Variants in NELL1 observed in about 807,000 individuals in gnomAD.
NELL1 encodes the protein protein kinase C-binding protein NELL1.
In NELL1, 76 loss-of-function variants were observed where a neutral mutation model predicts 107.4. That is an observed-to-expected ratio of 0.71 (90% CI 0.59 to 0.86). The LOEUF (loss-of-function observed/expected upper bound fraction) is 0.86, where lower values mean the gene tolerates loss of function less well. Among genes scored for constraint, NELL1 ranks in the 40% least tolerant of loss-of-function variants. NELL1 has a pLI of 0.00. For missense variants in NELL1, 1,024 were observed against 1,005.5 expected, an observed-to-expected ratio of 1.02 and a Z score of -0.25; for synonymous variants, 353 against 341.2, an observed-to-expected ratio of 1.03 and a Z score of -0.38.
chr11:21,471,134 G>C (rs1240851892), intron 15 of NELL1, among the ~76,000 whole-genome samples: 1 of 151,976 alleles, frequency 6.6e-6, no homozygotes, highest in Admixed American at 6.6e-5. Context: ...TTTAGGGTTT[G>C]TCAATCCTTG....
chr11:21,444,406 C>T (rs2133850096), intron 15 of NELL1, among the ~76,000 whole-genome samples: 1 of 152,200 alleles, frequency 6.6e-6, no homozygotes, highest in African/African-American at 2.4e-5. Flanking sequence ...TATAATTATA[C>T]ATAGCAAAAC....
intron 13 of NELL1, among the ~76,000 whole-genome samples, chr11:21,204,312 T>G (rs1162392227): frequency 6.6e-6 from 1 of 152,064 alleles, no homozygotes; most frequent in Non-Finnish European, 1.5e-5. Context: ...TCGTTCCTTT[T>G]CATTCTTTTT....
At chr11:21,147,675 A>G (rs1185633699) in intron 13 of NELL1, among the ~76,000 whole-genome samples, 1 of 151,726 alleles carries the variant, frequency 6.6e-6, no homozygotes, top group African/African-American at 2.4e-5. Context: ...CATCTCTACT[A>G]AAAATACAAA....
At chr11:20,728,530 G>A (rs534862254) in intron 2 of NELL1, among the ~76,000 whole-genome samples, 1 of 151,818 alleles carries the variant, frequency 6.6e-6, no homozygotes, top group African/African-American at 2.4e-5. Flanking sequence ...CATGTGGCTA[G>A]TCAGCTATCT....
At chr11:21,079,550 A>G (rs1854217161) in intron 12 of NELL1, among the ~76,000 whole-genome samples, 1 of 151,972 alleles carries the variant, frequency 6.6e-6, no homozygotes, top group Admixed American at 6.6e-5. Context: ...AAGAATGACA[A>G]AAGTTTCCAC....
chr11:21,377,223 A>G (rs1305220101), intron 15 of NELL1, among the ~76,000 whole-genome samples: 2 of 152,084 alleles, frequency 1.3e-5, no homozygotes, highest in African/African-American at 4.8e-5. Flanking sequence ...TGTTCCTACA[A>G]TGGCTAGTCT....
chr11:21,198,549 G>A (rs1215379165), intron 13 of NELL1, among the ~76,000 whole-genome samples: 4 of 152,198 alleles, frequency 2.6e-5, no homozygotes, highest in Admixed American at 2.6e-4. Flanking sequence ...AGAGACAGGT[G>A]CGTCAGACTG....
intron 13 of NELL1, among the ~76,000 whole-genome samples, chr11:21,178,943 G>C (rs1856768303): frequency 6.6e-6 from 1 of 151,798 alleles, no homozygotes; most frequent in South Asian, 2.1e-4. Context: ...ATTATGCATG[G>C]CTGAGGTTTG....
At chr11:21,455,276 CTT>C (rs1307923185) in intron 15 of NELL1, among the ~76,000 whole-genome samples, 1 of 132,366 alleles carries the variant, frequency 7.6e-6, no homozygotes, top group Non-Finnish European at 1.6e-5. Flanking sequence ...CATAATGTGA[CTT>C]TTTTTTATCT....
At position 21,336,664 on chromosome 11, in the gene NELL1, T is replaced by TACACACAC. The variant is rs1412272792; in HGVS notation, c.1550-34188_1550-34187insCACACACA. 1.9e-4 allele frequency among the ~76,000 whole-genome samples: 10 copies of TACACACAC among 51,514 alleles called. No individual in the cohort carries two copies. In the East Asian group the frequency reaches 1.0e-2, roughly 51 times the overall value. The allele number at this position is 51,514 out of a possible 152,430, so 33.8% of individuals were successfully genotyped here. ...TCATATGTGTGTGTATATATATATA[T>TACACACAC]ATATATATATACACACACACACACA... On this transcript the variant is annotated intron_variant, in intron 14 of 19. Transcript: ENST00000357134.
chr11:20,942,234 G>A (rs1036032452), intron 10 of NELL1, among the ~76,000 whole-genome samples: 4 of 152,156 alleles, frequency 2.6e-5, no homozygotes, highest in Admixed American at 6.5e-5. Flanking sequence ...GTACCCTAAA[G>A]GTTAGCTTCC....
chr11:20,866,741 T>G (rs1849102273), intron 4 of NELL1, among the ~76,000 whole-genome samples: 4 of 152,224 alleles, frequency 2.6e-5, no homozygotes, highest in Admixed American at 2.6e-4. Context: ...TCACCTCATC[T>G]TCTTTTATTG....
intron 4 of NELL1, among the ~76,000 whole-genome samples, chr11:20,878,088 C>T (rs990064983): frequency 9.2e-5 from 14 of 152,060 alleles, no homozygotes; most frequent in Non-Finnish European, 1.5e-4. Context: ...GGGCCGGGCG[C>T]GGTGGCTCAC....
intron 14 of NELL1, among the ~76,000 whole-genome samples, chr11:21,309,314 T>TATGTATATATATATA (rs1849697671): frequency 7.2e-6 from 1 of 138,324 alleles, no homozygotes; most frequent in East Asian, 2.1e-4. Flanking sequence ...ATATATATAA[T>TATGTATATATATATA]ATATATATAT....
intron 10 of NELL1, among the ~76,000 whole-genome samples, chr11:20,938,724 A>G (rs1850779474): frequency 6.6e-6 from 1 of 152,168 alleles, no homozygotes; most frequent in African/African-American, 2.4e-5. Flanking sequence ...GCCTAAAGCA[A>G]TAAAGGGAGC....
At chr11:21,303,576 C>T (rs1168389070) in intron 14 of NELL1, among the ~76,000 whole-genome samples, 5 of 151,970 alleles carry the variant, frequency 3.3e-5, no homozygotes, top group African/African-American at 1.2e-4. Flanking sequence ...TAAATTAGTA[C>T]AACCTCTATA....
intron 13 of NELL1, among the ~76,000 whole-genome samples, chr11:21,161,892 T>C (rs1344141185): frequency 6.6e-6 from 1 of 151,712 alleles, no homozygotes; most frequent in African/African-American, 2.4e-5. Flanking sequence ...GGCTGCCATA[T>C]TGGATAGTAC....
chr11:20,880,401 C>T (rs999580790), intron 4 of NELL1, among the ~76,000 whole-genome samples: 1 of 152,296 alleles, frequency 6.6e-6, no homozygotes, highest in East Asian at 1.9e-4. Context: ...TTTGTTTAAT[C>T]CTCATGACAA....
intron 12 of NELL1, among the ~76,000 whole-genome samples, chr11:20,975,267 T>C (rs77937921): frequency 0.17 from 25,406 of 151,728 alleles, 2,447 homozygotes; most frequent in Middle Eastern, 0.28. Context: ...CCACCCTCCT[T>C]GGTCTCCCAA....
Sources: allele counts gnomAD v4.1 joint callset (sites outside exome capture counted in the v4.1 genomes callset), GRCh38; gene constraint gnomAD v4.1.1; transcripts MANE v1.5; gene names NCBI Gene and HGNC (gene_info 2026-07-23, HGNC 2026-07-21).